The following ACSBG1 variants were observed in gnomAD, a reference collection of about 807,000 sequenced individuals.
ACSBG1 encodes long-chain-fatty-acid--CoA ligase ACSBG1.
ACSBG1 carries 39 observed loss-of-function variants against 80.2 expected under a neutral mutation model. The ratio of observed to expected loss-of-function variants is 0.49; its 90% CI spans 0.38 to 0.64. The LOEUF (loss-of-function observed/expected upper bound fraction) is 0.64. Ranked by LOEUF, ACSBG1 falls within the 30% of genes least tolerant of loss-of-function variation. The probability of loss-of-function intolerance (pLI) is 0.00; values close to 1 mark genes in which losing one functional copy is unlikely to be tolerated. For missense variants in ACSBG1, 828 were observed against 966.4 expected, an observed-to-expected ratio of 0.86 and a Z score of 1.90; for synonymous variants, 392 against 379.5, an observed-to-expected ratio of 1.03 and a Z score of -0.38.
At chr15:78,196,418 C>G (rs980341764) in intron 2 of ACSBG1, among the ~76,000 whole-genome samples, 2 of 152,212 alleles carry the variant, frequency 1.3e-5, no homozygotes, top group African/African-American at 4.8e-5. Flanking sequence ...TGCTGTTTGA[C>G]CTAACAAACC....
intron 5 of ACSBG1, 91 bp downstream of exon 5, chr15:78,193,415 A>G: frequency 2.6e-6 from 4 of 1,519,176 alleles, no homozygotes; most frequent in Non-Finnish European, 3.5e-6. Flanking sequence ...GACACTCTGG[A>G]TGGAGGGCGG....
At position 78,173,774 on chromosome 15, in the gene ACSBG1, G is replaced by A. The variant is rs536282741; in HGVS notation, c.1908C>T (p.Cys636=). The change falls in exon 13 of 14, where the codon TGC becomes TGT. Residue 636 remains cysteine (C), a synonymous_variant. Coordinates refer to ENST00000258873, the MANE Select transcript of ACSBG1 (RefSeq NM_015162.5). ...TGGTGGCTCTGCTGCCCACCCTCTG[G>A]CAGAACTCCATAGCTTGTTCAGTCA... is the stretch of plus-strand genomic sequence containing the variant. ...DNLTEQAMEF[C]QRVGSRATTV... 6.2e-7 allele frequency: 1 copy of A among 1,614,156 alleles called. No homozygotes were observed. Among genetic ancestry groups the A allele is most frequent in the Admixed American group, 1.7e-5 (1 of 60,020 alleles).
intron 4 of ACSBG1, 56 bp from the exon 5 acceptor site, chr15:78,193,682 T>TCCCCCCCC: frequency 6.4e-7 from 1 of 1,560,276 alleles, no homozygotes; most frequent in Non-Finnish European, 8.7e-7. Context: ...GCCACCCCCT[T>TCCCCCCCC]CCCCCACCCC....
intron 5 of ACSBG1, among the ~76,000 whole-genome samples, chr15:78,187,103 AC>A (rs1227953906): frequency 6.6e-6 from 1 of 152,112 alleles, no homozygotes; most frequent in Non-Finnish European, 1.5e-5. Context: ...TGACACATAC[AC>A]CCTCCCAAGA....
intron 9 of ACSBG1, 49 bp downstream of exon 9, chr15:78,180,706 G>T: frequency 6.3e-7 from 1 of 1,586,114 alleles, no homozygotes. Flanking sequence ...TTTGGGTTAT[G>T]ACCCAGCCCA....
rs1595877519 is a variant in ACSBG1 at position 78,173,516 on chromosome 15, A to G, written c.2089+77T>C. ...CTTCTCTTTGCCGTGGCTGCTTCCTAACAGGCACCTCCTAGGCACTGCCAT... is the reference window on the plus strand; with the variant it reads ...CTTCTCTTTGCCGTGGCTGCTTCCTGACAGGCACCTCCTAGGCACTGCCAT... On this transcript the variant is annotated intron_variant, in intron 13 of 13. Transcript: ENST00000258873. The G allele has an allele frequency of 6.4e-6, 10 of 1,554,230 alleles. No individual in the cohort carries two copies. The South Asian group carries it at 1.1e-4, about 17-fold the overall frequency.
intron 13 of ACSBG1, 22 bp downstream of exon 13, chr15:78,173,571 A>G (rs999343728): frequency 5.6e-6 from 9 of 1,612,012 alleles, no homozygotes; most frequent in Middle Eastern, 1.7e-4. Flanking sequence ...AGCCCTTGCA[A>G]TGGTGAAAAG....
At chr15:78,188,974 G>GA (rs1439761361) in intron 5 of ACSBG1, among the ~76,000 whole-genome samples, 1 of 147,848 alleles carries the variant, frequency 6.8e-6, no homozygotes, top group Non-Finnish European at 1.5e-5. Context: ...AAATTTACAA[G>GA]AAAAAAACAA....
intron 2 of ACSBG1, among the ~76,000 whole-genome samples, chr15:78,206,288 G>A (rs1263501623): frequency 6.6e-6 from 1 of 152,218 alleles, no homozygotes; most frequent in African/African-American, 2.4e-5. Flanking sequence ...CCTAGAGGGA[G>A]CTTGAGGTTC....
chr15:78,189,319 G>T (rs1357845428), intron 5 of ACSBG1, among the ~76,000 whole-genome samples: 1 of 151,156 alleles, frequency 6.6e-6, no homozygotes, highest in Non-Finnish European at 1.5e-5. Flanking sequence ...TCCCATTACT[G>T]GGTATATACC....
At chr15:78,221,524 C>T (rs1182456554) in intron 1 of ACSBG1, among the ~76,000 whole-genome samples, 2 of 152,152 alleles carry the variant, frequency 1.3e-5, no homozygotes, top group African/African-American at 2.4e-5. Context: ...TAGCTTTACA[C>T]GAGACATTCC....
chr15:78,194,373 A>T lies in ACSBG1; in HGVS notation c.453+133T>A, dbSNP rs558352109. 2.1e-4 allele frequency: 172 copies of T among 837,038 alleles called. 4 individuals are homozygous for T. The South Asian group carries it at 2.4e-3, about 12-fold the overall frequency. The allele number at this position is 837,038 out of a possible 1,614,324, so 51.9% of individuals were successfully genotyped here. A position where few individuals can be genotyped will look rare whatever the true frequency, so the allele number is the denominator to read the frequency against. ...CCAGCATGGAGTATCAGCCCCACGCACAATGACAGCTTTTACAGTTATTGT... is the reference window on the plus strand; with the variant it reads ...CCAGCATGGAGTATCAGCCCCACGCTCAATGACAGCTTTTACAGTTATTGT... On this transcript the variant is annotated intron_variant, in intron 3 of 13. Transcript: ENST00000258873.
At chr15:78,192,762 G>A (rs1460973857) in intron 5 of ACSBG1, among the ~76,000 whole-genome samples, 8 of 152,092 alleles carry the variant, frequency 5.3e-5, no homozygotes, top group Non-Finnish European at 1.2e-4. Flanking sequence ...TCCCACCCTC[G>A]GGCACAGATG....
intron 5 of ACSBG1, 84 bp downstream of exon 5, chr15:78,193,422 G>A: frequency 1.3e-6 from 2 of 1,530,986 alleles, no homozygotes; most frequent in Admixed American, 1.9e-5. Context: ...TGGATGGAGG[G>A]CGGGAAGGTT....
At chr15:78,233,583 G>A (rs376915160) in intron 1 of ACSBG1, among the ~76,000 whole-genome samples, 2 of 152,282 alleles carry the variant, frequency 1.3e-5, no homozygotes, top group East Asian at 1.9e-4. Flanking sequence ...CACTCTGACC[G>A]TCAAGGTCCA....
chr15:78,171,399 A>C lies in ACSBG1; in HGVS notation c.*45T>G, dbSNP rs765675038. On this transcript the variant is annotated 3_prime_UTR_variant, in exon 14 of 14. Coordinates refer to ENST00000258873, the MANE Select transcript of ACSBG1 (RefSeq NM_015162.5). ...ACCTGGGGCTCAGGAAGAGGCTCGG[A>C]ACGCCTGCCCTCTATTCTATAGAAA... The C allele has an allele frequency of 6.5e-7, 1 of 1,536,922 alleles. No homozygotes were observed. Among genetic ancestry groups the C allele is most frequent in the Non-Finnish European group, 9.0e-7 (1 of 1,113,356 alleles).
intron 9 of ACSBG1, among the ~76,000 whole-genome samples, 171 bp downstream of exon 9, chr15:78,180,584 G>A (rs2074931576): frequency 6.6e-6 from 1 of 152,170 alleles, no homozygotes; most frequent in African/African-American, 2.4e-5. Flanking sequence ...CAGGCCCTGG[G>A]AAACGCACAG....
At chr15:78,234,343 G>C (rs1316380850) in intron 1 of ACSBG1, 28 bp downstream of exon 1, 1 of 1,604,794 alleles carries the variant, frequency 6.2e-7, no homozygotes, top group Non-Finnish European at 8.5e-7. Context: ...CACAGGTGCA[G>C]TGTGCAGAAA....
intron 1 of ACSBG1, among the ~76,000 whole-genome samples, chr15:78,208,788 C>T (rs2075241762): frequency 6.6e-6 from 1 of 152,204 alleles, no homozygotes; most frequent in Non-Finnish European, 1.5e-5. Context: ...AGGGTCTCCC[C>T]TTCTGGCCAA....
Sources: gnomAD v4.1 joint callset for allele counts (sites outside exome capture counted in the v4.1 genomes callset) on GRCh38, gnomAD v4.1.1 for gene constraint, MANE v1.5 for transcripts, NCBI Gene and HGNC (gene_info 2026-07-23, HGNC 2026-07-21) for gene names.